Variants in TACC2 observed in about 807,000 individuals in gnomAD.
TACC2 encodes transforming acidic coiled-coil-containing protein 2.
TACC2 carries 137 observed loss-of-function variants against 227.3 expected under a neutral mutation model. That is an observed-to-expected ratio of 0.60 (90% CI 0.52 to 0.69). TACC2 has a LOEUF of 0.69. TACC2 is among the 30% of genes least tolerant of loss of function. The pLI is 0.00. For missense variants in TACC2, 3,470 were observed against 3,694.4 expected, an observed-to-expected ratio of 0.94 and a Z score of 1.57; for synonymous variants, 1,523 against 1,487.5, an observed-to-expected ratio of 1.02 and a Z score of -0.55.
At chr10:121,998,210 G>A (rs187778449) in intron 1 of TACC2, among the ~76,000 whole-genome samples, 1 of 151,900 alleles carries the variant, frequency 6.6e-6, no homozygotes, top group East Asian at 1.9e-4. Flanking sequence ...TACTCGGGAG[G>A]CTGAGGGAGG....
chr10:122,000,968 A>T (rs1452235684), intron 1 of TACC2, among the ~76,000 whole-genome samples: 1 of 152,086 alleles, frequency 6.6e-6, no homozygotes, highest in African/African-American at 2.4e-5. Context: ...GACTACAGGC[A>T]TGCGCCACCA....
Position 122,194,188 on chromosome 10 carries a change from C to T in TACC2, c.5835-852C>T, listed in dbSNP as rs757514258. Among the ~76,000 whole-genome samples, 1 of 152,176 alleles carries T rather than the reference C, an allele frequency of 6.6e-6. No individual in the cohort carries two copies. Among genetic ancestry groups the T allele is most frequent in the African/African-American group, 2.4e-5 (1 of 41,444 alleles). ...ATCCTCCCACCTGAGTCTCCCAAAG[C>T]GCTGGGATTAGAGGCATGAGCCACC... On this transcript the variant is annotated intron_variant, in intron 7 of 22. Coordinates refer to ENST00000369005, the MANE Select transcript of TACC2 (RefSeq NM_206862.4). This position sits in a 1 kb window ranked among gnomAD's most constrained non-coding sequence, Gnocchi z 4.4.
intron 3 of TACC2, among the ~76,000 whole-genome samples, chr10:122,070,550 TG>T (rs1160823889): frequency 6.6e-6 from 1 of 152,036 alleles, no homozygotes; most frequent in African/African-American, 2.4e-5. Context: ...GGTCGGGAGT[TG>T]GAGACCAGCC....
intron 5 of TACC2, among the ~76,000 whole-genome samples, chr10:122,098,381 A>G (rs1208786510): frequency 6.6e-6 from 1 of 152,218 alleles, no homozygotes; most frequent in Non-Finnish European, 1.5e-5. Context: ...TAGGCGCTGC[A>G]TACGTGTTTG....
At chr10:122,178,152 A>G (rs2093809329) in intron 7 of TACC2, among the ~76,000 whole-genome samples, 1 of 152,076 alleles carries the variant, frequency 6.6e-6, no homozygotes, top group South Asian at 2.1e-4. Flanking sequence ...TTTCTGGCTC[A>G]TAGCACCTTC....
intron 5 of TACC2, among the ~76,000 whole-genome samples, chr10:122,128,518 C>T (rs540106277): frequency 2.4e-4 from 37 of 152,130 alleles, no homozygotes; most frequent in Non-Finnish European, 4.4e-4. Context: ...GCCTAATGGA[C>T]GAAGCCTGGC....
Position 122,037,399 on chromosome 10 carries a change from G to T in TACC2, c.34-13039G>T, listed in dbSNP as rs529531700. Reference sequence around the variant, plus strand: ...TTGAGCCTGTATGCTCACTCACCATGGGGGTGAGACTCCAGCAGTCAGGGC... The same window carrying T: ...TTGAGCCTGTATGCTCACTCACCATTGGGGTGAGACTCCAGCAGTCAGGGC... On this transcript the variant is annotated intron_variant, in intron 2 of 22. Coordinates refer to ENST00000369005, the MANE Select transcript of TACC2 (RefSeq NM_206862.4). Among the ~76,000 whole-genome samples, 10 of 152,298 alleles carry T rather than the reference G, an allele frequency of 6.6e-5. No individual in the cohort carries two copies. In the South Asian group the frequency reaches 2.1e-3, roughly 32 times the overall value.
In TACC2 at chr10:122,091,390, A is replaced by G. The variant is rs556743550; in HGVS notation, c.5573+2799A>G. On this transcript the variant is annotated intron_variant, in intron 5 of 22. Coordinates refer to ENST00000369005, the MANE Select transcript of TACC2 (RefSeq NM_206862.4). ...CTTATTTCTTTTTTCTGTTTTTTCA[A>G]TGTGGCTCCCTAAATTTAAAAAATG... 7.2e-5 allele frequency among the ~76,000 whole-genome samples: 11 copies of G among 152,292 alleles called. No individual in the cohort carries two copies. In the East Asian group the frequency reaches 9.6e-4, roughly 13 times the overall value.
At chr10:122,172,394 G>A (rs1389695295) in intron 7 of TACC2, among the ~76,000 whole-genome samples, 1 of 152,120 alleles carries the variant, frequency 6.6e-6, no homozygotes, top group Non-Finnish European at 1.5e-5. Context: ...CACCCTTCCT[G>A]GGGCTCAGAT....
intron 3 of TACC2, among the ~76,000 whole-genome samples, chr10:122,068,171 A>G (rs1356130864): frequency 6.6e-6 from 1 of 151,892 alleles, no homozygotes; most frequent in African/African-American, 2.4e-5. Flanking sequence ...TAGAAGTTTG[A>G]TTTGGGTCTT....
In TACC2 at chr10:122,087,057, AG is replaced by A. The variant is rs2080166051; in HGVS notation, c.4559del (p.Gly1520ValfsTer6). The A allele has an allele frequency of 6.2e-7, 1 of 1,613,394 alleles. No homozygotes were observed. The highest frequency in any genetic ancestry group is 8.5e-7 in the Non-Finnish European group (1 of 1,179,880). Reference protein sequence around the residue: ...PGAGVGKEMAGVPPTLREDER... With the variant: ...PGAGVGKEMAXVPPTLREDER... ...GTGCCGGTGTGGGGAAGGAGATGGC[AG>A]GTGTCCCACCCACACTGAGGGAAGA... On this transcript the variant is annotated frameshift_variant, in exon 4 of 23. Coordinates refer to ENST00000369005, the MANE Select transcript of TACC2 (RefSeq NM_206862.4). LOFTEE classifies it high-confidence loss of function.
At chr10:122,171,621 G>A (rs993071371) in intron 7 of TACC2, among the ~76,000 whole-genome samples, 4 of 152,158 alleles carry the variant, frequency 2.6e-5, no homozygotes, top group African/African-American at 4.8e-5. Flanking sequence ...AGGCCTTTCC[G>A]GCTAGTCATT....
At chr10:122,190,384 T>G (rs1245103242) in intron 7 of TACC2, among the ~76,000 whole-genome samples, 2 of 152,300 alleles carry the variant, frequency 1.3e-5, no homozygotes, top group East Asian at 3.9e-4. Context: ...GCAGAGCTTT[T>G]CCGACTGTGC....
At position 122,110,650 on chromosome 10, in the gene TACC2, C is replaced by T. The variant is rs138449609; in HGVS notation, c.5574-21959C>T. On this transcript the variant is annotated intron_variant, in intron 5 of 22. Transcript: ENST00000369005. ...GCCTTCCTCGACCAGAGTGGTTCTC[C>T]TGCAGTGAATGACCTTAGACTCTGG... Among the ~76,000 whole-genome samples the T allele has an allele frequency of 4.2e-3, 640 of 152,314 alleles. 2 individuals are homozygous for T. Among genetic ancestry groups the T allele is most frequent in the African/African-American group, 0.015 (613 of 41,566 alleles).
At chr10:122,028,492 G>A (rs753662848) in intron 2 of TACC2, among the ~76,000 whole-genome samples, 2 of 152,060 alleles carry the variant, frequency 1.3e-5, no homozygotes, top group African/African-American at 2.4e-5. Context: ...TGGAGTGACC[G>A]TAAATGGTGT....
chr10:122,083,365 G>C lies in TACC2; in HGVS notation c.865G>C (p.Glu289Gln). The C allele has an allele frequency of 3.1e-6, 5 of 1,614,002 alleles. No homozygotes were observed. The highest frequency in any genetic ancestry group is 4.2e-6 in the Non-Finnish European group (5 of 1,180,032). Residue 289 changes from glutamate to glutamine, a missense_variant, in exon 4 of 23, where the codon GAA becomes CAA. Around this residue, in one of 10 missense-constraint regions of TACC2, gnomAD observed 405 missense variants for 389.6 expected, o/e 1.04. Coordinates refer to ENST00000369005, the MANE Select transcript of TACC2 (RefSeq NM_206862.4). ...QDPAPRASDR[E>Q]RGQGEAPPQY... is the part of the protein sequence containing the mutation. ...TCCAGCCCCAAGAGCCTCAGACAGA[G>C]AAAGAGGCCAAGGGGAGGCGCCGCC...
At chr10:122,184,192 C>T (rs1020107562) in intron 7 of TACC2, among the ~76,000 whole-genome samples, 2 of 152,134 alleles carry the variant, frequency 1.3e-5, no homozygotes, top group African/African-American at 2.4e-5. Context: ...CACTTGGAAT[C>T]GGAAGGACAC....
chr10:122,244,463 G>T (rs892872419), intron 19 of TACC2, among the ~76,000 whole-genome samples: 3 of 152,132 alleles, frequency 2.0e-5, no homozygotes, highest in African/African-American at 4.8e-5. Context: ...ACTGTTGCAG[G>T]TCATTGACTA....
rs943707737 is a variant in TACC2 at position 122,030,890 on chromosome 10, G to A, written c.33+8876G>A. Among the ~76,000 whole-genome samples the A allele has an allele frequency of 7.2e-5, 11 of 152,102 alleles. 1 individual carries two copies. The East Asian group carries it at 7.8e-4, about 11-fold the overall frequency. On this transcript the variant is annotated intron_variant, in intron 2 of 22. Coordinates refer to ENST00000369005, the MANE Select transcript of TACC2 (RefSeq NM_206862.4). The stretch of plus-strand genomic sequence containing the variant: ...CTGTACCTGGTGACCCAGAGCCACC[G>A]CGAGTCCCTCCAACCCAAACTCAGC...
Sources: gnomAD v4.1 joint callset for allele counts (sites outside exome capture counted in the v4.1 genomes callset) on GRCh38, gnomAD v4.1.1 for gene constraint, gnomAD v4.1.1 regional missense constraint, Gnocchi (gnomAD v3.1) non-coding constraint, MANE v1.5 for transcripts, NCBI Gene and HGNC (gene_info 2026-07-23, HGNC 2026-07-21) for gene names.